MFSD12: variants seen among roughly 807,000 people sequenced by gnomAD.
MFSD12 encodes the protein major facilitator superfamily domain containing 12.
MFSD12 carries 67 observed loss-of-function variants against 51.2 expected under a neutral mutation model. That is an observed-to-expected ratio of 1.31 (90% CI 1.08 to 1.60). The LOEUF is 1.60. Ranked by LOEUF, MFSD12 falls within the 40% of genes most tolerant of loss-of-function variation. The pLI is 0.00. For missense variants in MFSD12, 921 were observed against 673.0 expected (o/e 1.37, Z -4.08); for synonymous variants, 441 against 316.7 (o/e 1.39, Z -4.17).
At chr19:3,541,332 T>C (rs1599809019), downstream of MFSD12, among the ~76,000 whole-genome samples, 1 of 150,044 alleles carries the variant, frequency 6.7e-6, no homozygotes, top group African/African-American at 2.4e-5. Context: ...CAAGACTGTC[T>C]CAAAAAAAAA....
exon 5 of MFSD12, chr19:3,538,497 T>C (rs1002602779): frequency 2.4e-5 from 8 of 329,870 alleles, no homozygotes; most frequent in East Asian, 8.7e-5. Flanking sequence ...ATTCTGTGGA[T>C]TGGTCTGTCC....
At chr19:3,543,602 C>G (rs556798550), downstream of MFSD12, 4 of 1,544,896 alleles carry the variant, frequency 2.6e-6, no homozygotes, top group South Asian at 3.6e-5. Context: ...CCCCATCGTC[C>G]CTGCCCAGTA....
intron 1 of MFSD12, among the ~76,000 whole-genome samples, chr19:3,555,254 G>A (rs1030626596): frequency 6.6e-6 from 1 of 152,094 alleles, no homozygotes. Flanking sequence ...GATTACAGGC[G>A]TGCGCCACCA....
downstream of MFSD12, chr19:3,543,849 G>A (rs571231634): frequency 1.6e-4 from 243 of 1,543,652 alleles, 3 homozygotes; most frequent in South Asian, 1.5e-3. Flanking sequence ...GAACCGGTAC[G>A]GGGTGGAGCC....
intron 1 of MFSD12, among the ~76,000 whole-genome samples, chr19:3,555,550 C>T (rs529525790): frequency 1.2e-3 from 188 of 152,360 alleles, no homozygotes; most frequent in African/African-American, 4.4e-3. Context: ...GCCGCCGCCT[C>T]AGGTACCCCA....
At chr19:3,543,552 C>G (rs755114221), downstream of MFSD12, 1 of 1,513,030 alleles carries the variant, frequency 6.6e-7, no homozygotes, top group South Asian at 1.3e-5. Context: ...CGCCCCACCG[C>G]AGCCTACACC....
At position 3,546,159 on chromosome 19, in the gene MFSD12, C is replaced by T. The variant is rs935111088; in HGVS notation, c.1204G>A (p.Ala402Thr). Residue 402 changes from alanine (A) to threonine (T), a missense_variant, in exon 8 of 10, where the codon GCG (alanine) becomes ACG (threonine). Transcript: ENST00000355415. ...DLIGPHTNSG[A>T]FVYGSMSFLD... ...AAGCTCATGGAGCCGTACACGAACG[C>T]TCCGCTGTTCTGTGGAGACACAGGC... The T allele has an allele frequency of 3.7e-6, 6 of 1,612,978 alleles. No individual in the cohort carries two copies. The African/African-American group carries it at 8.0e-5, about 22-fold the overall frequency.
At chr19:3,555,172 G>C (rs918593179) in intron 1 of MFSD12, among the ~76,000 whole-genome samples, 16 of 152,242 alleles carry the variant, frequency 1.1e-4, no homozygotes, top group Middle Eastern at 3.4e-3. Flanking sequence ...GCAGTGGCGC[G>C]ATCTTGGCTG....
chr19:3,543,519 G>T (rs1461175809), downstream of MFSD12: 13 of 1,529,372 alleles, frequency 8.5e-6, no homozygotes, highest in Middle Eastern at 2.3e-4. Flanking sequence ...TGCCAGAGGG[G>T]GACAGGAATG....
downstream of MFSD12, chr19:3,542,693 G>C (rs2030514941): frequency 8.0e-7 from 1 of 1,247,640 alleles, no homozygotes; most frequent in South Asian, 1.3e-5. Flanking sequence ...ATGCTGGCCA[G>C]GCTGGTCTCG....
rs148257957 is a variant in MFSD12 at position 3,546,846 on chromosome 19, T to C, written c.1024-421A>G. ...TGTTCCCAGATCTGGGGCTTTTTTT[T>C]TCTGGAGACAAGAGTCTCGCTGTGT... On this transcript the variant is annotated intron_variant, in intron 6 of 9. Coordinates refer to ENST00000355415, the MANE Select transcript of MFSD12 (RefSeq NM_174983.5). Among the ~76,000 whole-genome samples, 20 of 152,058 alleles carry C rather than the reference T, an allele frequency of 1.3e-4. No individual in the cohort carries two copies. The East Asian group carries it at 3.9e-3, about 29-fold the overall frequency.
downstream of MFSD12, chr19:3,543,187 C>A: frequency 6.5e-7 from 1 of 1,527,668 alleles, no homozygotes; most frequent in Middle Eastern, 1.9e-4. Flanking sequence ...GGGGTCAAAG[C>A]ACTCGCTGTA....
At position 3,546,057 on chromosome 19, in the gene MFSD12, C is replaced by G; in HGVS notation, c.1289+17G>C. 1.2e-6 allele frequency: 2 copies of G among 1,611,934 alleles called. No homozygotes were observed. Among genetic ancestry groups the G allele is most frequent in the Non-Finnish European group, 1.7e-6 (2 of 1,178,882 alleles). Reference sequence around the variant, plus strand: ...CTTACTGAACAAAAGAATGAATGAACGAACAGCGGCACTCACGGGCAAGGG... The same window carrying G: ...CTTACTGAACAAAAGAATGAATGAAGGAACAGCGGCACTCACGGGCAAGGG... On this transcript the variant is annotated intron_variant, in intron 8 of 9. Transcript: ENST00000355415.
At chr19:3,543,395 G>A (rs1568249986), downstream of MFSD12, 1 of 1,548,510 alleles carries the variant, frequency 6.5e-7, no homozygotes, top group Non-Finnish European at 8.7e-7. Context: ...CCTGCCACGG[G>A]CCCCGGCCAG....
downstream of MFSD12, chr19:3,543,118 G>C (rs372364244): frequency 3.9e-6 from 6 of 1,522,144 alleles, no homozygotes; most frequent in East Asian, 4.9e-5. Context: ...TGGCGAGGGA[G>C]GGAGACCCCA....
At chr19:3,544,022 C>A, downstream of MFSD12, 1 of 1,525,562 alleles carries the variant, frequency 6.6e-7, no homozygotes. Context: ...GGCATGCTAC[C>A]AGGATGCACC....
Position 3,546,176 on chromosome 19 carries a change from G to A in MFSD12, c.1195-8C>T, listed in dbSNP as rs1173502329. 6.2e-7 allele frequency: 1 copy of A among 1,612,412 alleles called. No individual in the cohort carries two copies. The highest frequency in any genetic ancestry group is 1.1e-5 in the South Asian group (1 of 91,080). On this transcript the variant is annotated splice_region_variant and splice_polypyrimidine_tract_variant and intron_variant, in intron 7 of 9. Transcript: ENST00000355415. The stretch of plus-strand genomic sequence containing the variant: ...CACGAACGCTCCGCTGTTCTGTGGA[G>A]ACACAGGCGAGGTGGTCAGCGTGCA...
chr19:3,548,349 G>C (rs2031252065), intron 2 of MFSD12, 82 bp from the exon 3 acceptor site: 1 of 1,507,732 alleles, frequency 6.6e-7, no homozygotes, highest in East Asian at 2.5e-5. Flanking sequence ...CCGTCAGAGA[G>C]GCCTGGGGAA....
intron 1 of MFSD12, among the ~76,000 whole-genome samples, chr19:3,552,170 A>ATT (rs1191138332): frequency 7.3e-6 from 1 of 136,232 alleles, no homozygotes; most frequent in Non-Finnish European, 1.6e-5. Flanking sequence ...TTCAATATCT[A>ATT]TTTTTTTTTT....
Sources: gnomAD v4.1 joint callset for allele counts (sites outside exome capture counted in the v4.1 genomes callset) on GRCh38, gnomAD v4.1.1 for gene constraint, MANE v1.5 for transcripts, NCBI Gene and HGNC (gene_info 2026-07-23, HGNC 2026-07-21) for gene names.